Variants in ATG10 observed in about 807,000 individuals in gnomAD.
ATG10 encodes the protein ubiquitin-like-conjugating enzyme ATG10.
A neutral mutation model predicts 32.1 loss-of-function variants in ATG10; 30 were observed. The observed-to-expected ratio is 0.94, with a 90% CI of 0.70 to 1.27. The LOEUF is 1.27. Ranked by LOEUF, ATG10 falls within the 50% of genes most tolerant of loss-of-function variation. The pLI, the probability that ATG10 is intolerant of heterozygous loss-of-function variation, is 0.00. For synonymous variants in ATG10, 87 were observed against 91.5 expected (o/e 0.95, Z 0.28); for missense variants, 233 against 262.3 (o/e 0.89, Z 0.77).
chr5:82,232,280 G>T lies in ATG10; in HGVS notation c.454-20282G>T, dbSNP rs187730603. 2.5e-3 allele frequency among the ~76,000 whole-genome samples: 385 copies of T among 152,222 alleles called. 2 individuals carry two copies. The highest frequency in any genetic ancestry group is 8.9e-3 in the African/African-American group (369 of 41,542). ...AAGAATTAATGCTTGGAAAGTGCAG[G>T]CTTCCAATTGTTTTACTTTAAGATA... On this transcript the variant is annotated intron_variant, in intron 5 of 7. Coordinates refer to ENST00000282185, the MANE Select transcript of ATG10 (RefSeq NM_031482.5).
chr5:82,024,730 A>T (rs1289967810), intron 2 of ATG10, among the ~76,000 whole-genome samples: 1 of 152,228 alleles, frequency 6.6e-6, no homozygotes, highest in Admixed American at 6.5e-5. Context: ...CTGAGAAAAC[A>T]GCCTGATGAC....
chr5:82,220,474 G>A (rs1483188236), intron 5 of ATG10, among the ~76,000 whole-genome samples: 2 of 151,996 alleles, frequency 1.3e-5, no homozygotes, highest in East Asian at 3.9e-4. Flanking sequence ...GTGTTAGCCA[G>A]GATGGTCTCG....
At chr5:82,196,038 A>T (rs931686585) in intron 5 of ATG10, among the ~76,000 whole-genome samples, 3 of 152,170 alleles carry the variant, frequency 2.0e-5, no homozygotes, top group Non-Finnish European at 4.4e-5. Flanking sequence ...ATCTTTGCCA[A>T]TTCTGGTCCA....
At chr5:82,223,622 ATGGTC>A (rs1325288853) in intron 5 of ATG10, among the ~76,000 whole-genome samples, 5 of 152,222 alleles carry the variant, frequency 3.3e-5, no homozygotes, top group African/African-American at 1.2e-4. Context: ...AATCTATGGC[ATGGTC>A]TTCTTTCCCC....
At chr5:82,171,788 CTAAT>C (rs1743818676) in intron 4 of ATG10, among the ~76,000 whole-genome samples, 1 of 152,134 alleles carries the variant, frequency 6.6e-6, no homozygotes, top group Non-Finnish European at 1.5e-5. Context: ...TTAGAATGTG[CTAAT>C]TACTCTAGAA....
intron 3 of ATG10, among the ~76,000 whole-genome samples, chr5:82,108,197 G>A (rs1334509865): frequency 6.6e-6 from 1 of 152,020 alleles, no homozygotes; most frequent in African/African-American, 2.4e-5. Context: ...AAGCTTGCCT[G>A]GAGAACTGAG....
intron 3 of ATG10, among the ~76,000 whole-genome samples, chr5:82,077,215 C>T (rs891986337): frequency 6.6e-6 from 1 of 152,000 alleles, no homozygotes; most frequent in South Asian, 2.1e-4. Flanking sequence ...CCCAGCTACA[C>T]GAGAGGCTGA....
intron 1 of ATG10, among the ~76,000 whole-genome samples, chr5:81,986,614 G>A (rs1450870167): frequency 6.6e-6 from 1 of 151,994 alleles, no homozygotes; most frequent in South Asian, 2.1e-4. Flanking sequence ...GAATTATCTA[G>A]TATAGACAGA....
intron 3 of ATG10, chr5:82,111,364 G>T (rs1388819378): frequency 6.6e-6 from 1 of 151,770 alleles, no homozygotes; most frequent in Non-Finnish European, 1.5e-5. Flanking sequence ...TTTGTGTTAC[G>T]GATGTCTTCT....
chr5:81,989,710 G>A (rs1171880412), intron 2 of ATG10, among the ~76,000 whole-genome samples: 9 of 151,554 alleles, frequency 5.9e-5, no homozygotes, highest in Non-Finnish European at 1.2e-4. Context: ...CCATTCTCCT[G>A]CCTCAGCCTC....
intron 5 of ATG10, among the ~76,000 whole-genome samples, chr5:82,184,893 C>T (rs889687134): frequency 1.4e-4 from 21 of 152,288 alleles, no homozygotes; most frequent in African/African-American, 4.6e-4. Flanking sequence ...GCTGCAGAAA[C>T]ATCAGGTGGC....
In ATG10 at chr5:82,084,253, T is replaced by G. The variant is rs180988351; in HGVS notation, c.216+25651T>G. Among the ~76,000 whole-genome samples, 18 of 152,140 alleles carry G rather than the reference T, an allele frequency of 1.2e-4. No homozygotes were observed. The East Asian group carries it at 3.5e-3, about 29-fold the overall frequency. On this transcript the variant is annotated intron_variant, in intron 3 of 7. Transcript: ENST00000282185. ...ATCAGTGATTGAAGATCAAATGAAT[T>G]AAATGAAGCAAGAAGAGAAGTTTAG...
At chr5:82,084,344 AT>A (rs1245578220) in intron 3 of ATG10, among the ~76,000 whole-genome samples, 8 of 152,194 alleles carry the variant, frequency 5.3e-5, no homozygotes, top group African/African-American at 1.4e-4. Flanking sequence ...AAAATACCAA[AT>A]CTACGTCTGA....
chr5:82,086,348 A>T (rs1764690501), intron 3 of ATG10, among the ~76,000 whole-genome samples: 1 of 152,242 alleles, frequency 6.6e-6, no homozygotes, highest in Non-Finnish European at 1.5e-5. Context: ...ATTTAAAATT[A>T]CAATAAAATT....
intron 2 of ATG10, chr5:82,010,114 C>T (rs1336293557): frequency 2.5e-6 from 4 of 1,575,970 alleles, no homozygotes; most frequent in Non-Finnish European, 3.5e-6. Context: ...ACACAGTTTT[C>T]CTCGGCGGCG....
intron 3 of ATG10, among the ~76,000 whole-genome samples, chr5:82,158,293 C>T (rs1285317372): frequency 6.6e-6 from 1 of 151,958 alleles, no homozygotes; most frequent in East Asian, 1.9e-4. Context: ...TGAGAAAAAT[C>T]AATATATTGT....
intron 7 of ATG10, 38 bp downstream of exon 7, chr5:82,253,467 A>G (rs375583676): frequency 8.8e-5 from 118 of 1,341,820 alleles, no homozygotes; most frequent in Admixed American, 2.2e-4. Flanking sequence ...TTGCCGTTAC[A>G]AAGATCAATG....
intron 5 of ATG10, among the ~76,000 whole-genome samples, chr5:82,238,249 C>G (rs1342146162): frequency 6.6e-6 from 1 of 152,146 alleles, no homozygotes. Flanking sequence ...TGAGGACTCC[C>G]CATGCCTTCC....
intron 3 of ATG10, among the ~76,000 whole-genome samples, chr5:82,068,500 A>C (rs149586338): frequency 1.2e-4 from 18 of 152,122 alleles, no homozygotes; most frequent in African/African-American, 4.1e-4. Context: ...ATAACTGTGT[A>C]ACAAACCTGC....
Sources: gnomAD v4.1 joint callset for allele counts (sites outside exome capture counted in the v4.1 genomes callset) on GRCh38, gnomAD v4.1.1 for gene constraint, MANE v1.5 for transcripts, NCBI Gene and HGNC (gene_info 2026-07-23, HGNC 2026-07-21) for gene names.